Variants in RHOJ observed in about 807,000 individuals in gnomAD.
The protein encoded by RHOJ is rho-related GTP-binding protein RhoJ.
A neutral mutation model predicts 23.4 loss-of-function variants in RHOJ; 11 were observed. The observed-to-expected ratio is 0.47, with a 90% CI of 0.30 to 0.78. The LOEUF (loss-of-function observed/expected upper bound fraction) is 0.78, where lower values mean the gene tolerates loss of function less well. RHOJ is among the 30% of genes least tolerant of loss of function. The probability of loss-of-function intolerance (pLI) is 0.08; values close to 1 mark genes in which losing one functional copy is unlikely to be tolerated. For synonymous variants in RHOJ, 102 were observed against 102.7 expected (o/e 0.99, Z 0.04); for missense variants, 254 against 273.4 (o/e 0.93, Z 0.50).
chr14:63,275,375 T>C (rs559784892), intron 2 of RHOJ, among the ~76,000 whole-genome samples: 1 of 152,304 alleles, frequency 6.6e-6, no homozygotes, highest in South Asian at 2.1e-4. Flanking sequence ...TGCAAATATA[T>C]GTAGTGTCTA....
intron 2 of RHOJ, among the ~76,000 whole-genome samples, chr14:63,274,889 ATGAGACT>A (rs1239904930): frequency 6.6e-6 from 1 of 152,200 alleles, no homozygotes; most frequent in African/African-American, 2.4e-5. Context: ...GAATATGAAA[ATGAGACT>A]TGTACCAAAA....
chr14:63,234,619 A>G (rs1472171757), intron 1 of RHOJ, among the ~76,000 whole-genome samples: 2 of 152,224 alleles, frequency 1.3e-5, no homozygotes, highest in Non-Finnish European at 2.9e-5. Flanking sequence ...TAACCCACAC[A>G]TGTACACACA....
chr14:63,220,497 A>C (rs1411843968), intron 1 of RHOJ, among the ~76,000 whole-genome samples: 2 of 152,144 alleles, frequency 1.3e-5, no homozygotes, highest in African/African-American at 4.8e-5. Context: ...AAAAAAAACA[A>C]CAACCAACCA....
intron 1 of RHOJ, among the ~76,000 whole-genome samples, chr14:63,256,043 G>T (rs1461922421): frequency 1.3e-5 from 2 of 151,902 alleles, no homozygotes; most frequent in African/African-American, 4.8e-5. Context: ...GTTTTTTGTT[G>T]TTGTTGTTGT....
At chr14:63,252,905 A>G (rs1895096889) in intron 1 of RHOJ, among the ~76,000 whole-genome samples, 1 of 152,164 alleles carries the variant, frequency 6.6e-6, no homozygotes, top group Non-Finnish European at 1.5e-5. Flanking sequence ...GAGCCTCCAC[A>G]CCTGATAGAA....
At chr14:63,289,524 G>A (rs1471993883) in intron 4 of RHOJ, among the ~76,000 whole-genome samples, 2 of 152,198 alleles carry the variant, frequency 1.3e-5, no homozygotes, top group African/African-American at 4.8e-5. Flanking sequence ...CTTAAAATGC[G>A]AATCAAAAAC....
intron 1 of RHOJ, among the ~76,000 whole-genome samples, chr14:63,210,028 C>G (rs1416871540): frequency 6.7e-6 from 1 of 149,890 alleles, no homozygotes; most frequent in East Asian, 2.0e-4. Context: ...GGCACAATCT[C>G]AGCTCACTGT....
intron 2 of RHOJ, among the ~76,000 whole-genome samples, chr14:63,278,318 T>G (rs1380053708): frequency 1.3e-5 from 2 of 152,226 alleles, no homozygotes; most frequent in Non-Finnish European, 2.9e-5. Flanking sequence ...AATAGATCAA[T>G]GCATGCCCAC....
intron 1 of RHOJ, among the ~76,000 whole-genome samples, chr14:63,258,995 G>A (rs112698023): frequency 6.6e-3 from 1,005 of 152,140 alleles, no homozygotes; most frequent in Middle Eastern, 0.02. Context: ...GCTGGAGTGC[G>A]GTGGCATGAT....
At chr14:63,236,977 A>C (rs1202955863) in intron 1 of RHOJ, among the ~76,000 whole-genome samples, 1 of 152,214 alleles carries the variant, frequency 6.6e-6, no homozygotes, top group Non-Finnish European at 1.5e-5. Context: ...CTATGCAAAT[A>C]GTTGTTATAC....
At chr14:63,222,736 G>T (rs1268435539) in intron 1 of RHOJ, among the ~76,000 whole-genome samples, 1 of 152,154 alleles carries the variant, frequency 6.6e-6, no homozygotes, top group Non-Finnish European at 1.5e-5. Context: ...CCCTTTGTCA[G>T]ATGAGTAGAT....
At chr14:63,230,421 T>C (rs142325205) in intron 1 of RHOJ, among the ~76,000 whole-genome samples, 54 of 152,298 alleles carry the variant, frequency 3.5e-4, no homozygotes, top group African/African-American at 1.3e-3. Context: ...TGGTATTATT[T>C]GGCGTGTCTA....
intron 1 of RHOJ, among the ~76,000 whole-genome samples, chr14:63,263,958 A>G (rs1895318790): frequency 6.7e-6 from 1 of 148,846 alleles, no homozygotes; most frequent in South Asian, 2.1e-4. Flanking sequence ...CTCAGCTCAG[A>G]CACCCCCTCC....
At chr14:63,243,798 C>T (rs1186993802) in intron 1 of RHOJ, among the ~76,000 whole-genome samples, 2 of 152,114 alleles carry the variant, frequency 1.3e-5, no homozygotes, top group African/African-American at 2.4e-5. Flanking sequence ...ACACGTTATG[C>T]GTAATACAAC....
At chr14:63,255,159 C>A (rs1895140815) in intron 1 of RHOJ, among the ~76,000 whole-genome samples, 1 of 152,064 alleles carries the variant, frequency 6.6e-6, no homozygotes, top group Non-Finnish European at 1.5e-5. Context: ...GCCTCAAATC[C>A]CCCCCTGAGG....
At chr14:63,222,647 C>A (rs1407131454) in intron 1 of RHOJ, among the ~76,000 whole-genome samples, 1 of 152,136 alleles carries the variant, frequency 6.6e-6, no homozygotes, top group Non-Finnish European at 1.5e-5. Flanking sequence ...CTGTTCATAT[C>A]CTTCACCTAC....
chr14:63,288,107 A>G, intron 4 of RHOJ: 1 of 894,026 alleles, frequency 1.1e-6, no homozygotes, highest in Non-Finnish European at 1.3e-6. Context: ...TCTGATGACT[A>G]CTTTTTCTAT....
Position 63,205,041 on chromosome 14 carries a change from T to C in RHOJ, c.172T>C (p.Tyr58His). 6.2e-7 allele frequency: 1 copy of C among 1,612,452 alleles called. No individual in the cohort carries two copies. The highest frequency in any genetic ancestry group is 8.5e-7 in the Non-Finnish European group (1 of 1,178,810). Residue 58 changes from tyrosine (Y) to histidine (H), a missense_variant, in exon 1 of 5, where the codon TAT (tyrosine) becomes CAT (histidine). Physicochemically the swap from Tyr to His is moderately conservative, Grantham distance 83 (BLOSUM62 2). Coordinates refer to ENST00000316754, the MANE Select transcript of RHOJ (RefSeq NM_020663.5). Reference sequence around the variant, plus strand: ...ATACGTGCCCACTGTGTTTGACCACTATGCAGGTAAGAAAAAGTGGGAAAC... The same window carrying C: ...ATACGTGCCCACTGTGTTTGACCACCATGCAGGTAAGAAAAAGTGGGAAAC... ...EEYVPTVFDH[Y>H]AVTVTVGGKQ...
chr14:63,231,129 T>A (rs1191097852), intron 1 of RHOJ, among the ~76,000 whole-genome samples: 1 of 152,162 alleles, frequency 6.6e-6, no homozygotes, highest in South Asian at 2.1e-4. Context: ...CCTCAGGTGA[T>A]CTGCCTGCCT....
Sources: gnomAD v4.1 joint callset for allele counts (sites outside exome capture counted in the v4.1 genomes callset) on GRCh38, gnomAD v4.1.1 for gene constraint, MANE v1.5 for transcripts, NCBI Gene and HGNC (gene_info 2026-07-23, HGNC 2026-07-21) for gene names.